MATN2: variants seen among roughly 807,000 people sequenced by gnomAD.
The protein encoded by MATN2 is matrilin 2, also known as matrilin-2.
MATN2 carries 69 observed loss-of-function variants against 103.2 expected under a neutral mutation model. The ratio of observed to expected loss-of-function variants is 0.67; its 90% CI spans 0.55 to 0.82. The LOEUF (loss-of-function observed/expected upper bound fraction) is 0.82. MATN2 is among the 40% of genes least tolerant of loss of function. The pLI, the probability that MATN2 is intolerant of heterozygous loss-of-function variation, is 0.00. For synonymous variants in MATN2, 429 were observed against 450.2 expected (o/e 0.95, Z 0.60); for missense variants, 1,023 against 1,211.5 (o/e 0.84, Z 2.31).
intron 2 of MATN2, among the ~76,000 whole-genome samples, chr8:97,895,657 CTT>C (rs1818784650): frequency 6.6e-6 from 1 of 152,212 alleles, no homozygotes; most frequent in South Asian, 2.1e-4. Flanking sequence ...TAGACTGTCT[CTT>C]CAAGATAGGG....
chr8:98,033,711 A>G (rs1200453993), intron 18 of MATN2, 52 bp downstream of exon 18: 13 of 1,164,702 alleles, frequency 1.1e-5, no homozygotes, highest in African/African-American at 1.5e-5. Context: ...AATATTATCA[A>G]AACTTCACAC....
At chr8:97,936,887 T>C (rs1810385939) in intron 3 of MATN2, among the ~76,000 whole-genome samples, 1 of 152,226 alleles carries the variant, frequency 6.6e-6, no homozygotes, top group South Asian at 2.1e-4. Flanking sequence ...AGTTTTATTC[T>C]AGTTTAGTGA....
At chr8:97,913,307 G>A (rs1809512055) in intron 2 of MATN2, among the ~76,000 whole-genome samples, 1 of 150,496 alleles carries the variant, frequency 6.6e-6, no homozygotes, top group South Asian at 2.1e-4. Context: ...GACATGGACA[G>A]CAATCGATTT....
At chr8:97,967,777 G>C (rs1440173781) in intron 5 of MATN2, among the ~76,000 whole-genome samples, 1 of 152,238 alleles carries the variant, frequency 6.6e-6, no homozygotes, top group Admixed American at 6.5e-5. Flanking sequence ...ACTGCCAGTG[G>C]CTCTACCATT....
chr8:97,926,721 A>G lies in MATN2; in HGVS notation c.143-4232A>G, dbSNP rs1156390750. ...GGCAAAGATTTGGGTCCTAGAATCT[A>G]TGACTCCATTAGCAGGACCACATCT... On this transcript the variant is annotated intron_variant, in intron 2 of 18. Coordinates refer to ENST00000254898, the MANE Select transcript of MATN2 (RefSeq NM_002380.5). Among the ~76,000 whole-genome samples, 5 of 152,214 alleles carry G rather than the reference A, an allele frequency of 3.3e-5. No individual in the cohort carries two copies. In the South Asian group the frequency reaches 8.3e-4, roughly 25 times the overall value.
intron 4 of MATN2, among the ~76,000 whole-genome samples, chr8:97,958,548 G>A (rs541152055): frequency 1.7e-4 from 26 of 152,226 alleles, no homozygotes; most frequent in Non-Finnish European, 3.2e-4. Context: ...GGCCAAAAGT[G>A]TAAAGAATGT....
intron 7 of MATN2, among the ~76,000 whole-genome samples, chr8:97,996,966 A>G (rs1385745070): frequency 1.3e-5 from 2 of 152,232 alleles, no homozygotes; most frequent in Non-Finnish European, 2.9e-5. Flanking sequence ...TGGGGGAAAA[A>G]AGATCAAGGC....
At chr8:97,872,693 C>A (rs923630641) in intron 1 of MATN2, among the ~76,000 whole-genome samples, 1 of 152,142 alleles carries the variant, frequency 6.6e-6, no homozygotes, top group African/African-American at 2.4e-5. Flanking sequence ...AACCCTTCTC[C>A]CCATCCTGAC....
At chr8:97,921,840 A>C (rs1809818778) in intron 2 of MATN2, among the ~76,000 whole-genome samples, 1 of 152,134 alleles carries the variant, frequency 6.6e-6, no homozygotes, top group Non-Finnish European at 1.5e-5. Context: ...CTCATAAATA[A>C]AATGCGTACA....
chr8:98,016,501 TTTC>T (rs1158843500), intron 10 of MATN2, 36 bp from the exon 11 acceptor site: 17 of 1,575,796 alleles, frequency 1.1e-5, no homozygotes, highest in Non-Finnish European at 1.2e-5. Flanking sequence ...TATGAGTCAT[TTTC>T]TTCTTCTGTT....
intron 2 of MATN2, among the ~76,000 whole-genome samples, chr8:97,891,411 C>T (rs933554100): frequency 1.3e-5 from 2 of 152,098 alleles, no homozygotes; most frequent in Non-Finnish European, 2.9e-5. Flanking sequence ...GATCATGGCT[C>T]GCTGCAGCCT....
intron 2 of MATN2, among the ~76,000 whole-genome samples, chr8:97,909,747 A>C (rs1451340150): frequency 6.6e-6 from 1 of 151,574 alleles, no homozygotes; most frequent in Non-Finnish European, 1.5e-5. Flanking sequence ...TTTCTCTGAG[A>C]GAGATGGGAG....
chr8:97,985,957 A>C (rs998260794), intron 6 of MATN2, among the ~76,000 whole-genome samples: 10 of 152,226 alleles, frequency 6.6e-5, no homozygotes, highest in Non-Finnish European at 1.3e-4. Flanking sequence ...AGTTGAGATC[A>C]TGCAGTATAA....
chr8:97,908,779 G>A (rs781296728), intron 2 of MATN2, among the ~76,000 whole-genome samples: 12 of 152,020 alleles, frequency 7.9e-5, no homozygotes, highest in Non-Finnish European at 1.3e-4. Flanking sequence ...CTATAGGTGC[G>A]CCACCGTGCC....
At chr8:98,026,255 TG>T (rs202125666) in intron 13 of MATN2, among the ~76,000 whole-genome samples, 214 of 145,210 alleles carry the variant, frequency 1.5e-3, no homozygotes, top group African/African-American at 4.5e-3. Context: ...TTTTTAATTT[TG>T]TTTTTTTTTT....
chr8:98,024,561 C>G (rs1813720440), intron 13 of MATN2, among the ~76,000 whole-genome samples: 1 of 152,218 alleles, frequency 6.6e-6, no homozygotes, highest in African/African-American at 2.4e-5. Flanking sequence ...TAATCATCAA[C>G]AGCAGAGGTG....
intron 7 of MATN2, among the ~76,000 whole-genome samples, chr8:97,998,529 A>C (rs951856047): frequency 6.6e-6 from 1 of 151,492 alleles, no homozygotes; most frequent in Non-Finnish European, 1.5e-5. Context: ...CAAAAAAAAA[A>C]AAAAAAAAAA....
intron 2 of MATN2, among the ~76,000 whole-genome samples, chr8:97,903,361 A>G (rs1053119109): frequency 3.9e-5 from 6 of 152,182 alleles, no homozygotes; most frequent in African/African-American, 1.4e-4. Context: ...TGACAAGATC[A>G]TATTTTGTGT....
chr8:97,913,615 ATT>A (rs34387422), intron 2 of MATN2, among the ~76,000 whole-genome samples: 6,251 of 121,690 alleles, frequency 0.051, 363 homozygotes, highest in African/African-American at 0.17. Context: ...GCACCCTGCC[ATT>A]TTTTTTTTTT....
Sources: allele counts gnomAD v4.1 joint callset (sites outside exome capture counted in the v4.1 genomes callset), GRCh38; gene constraint gnomAD v4.1.1; transcripts MANE v1.5; gene names NCBI Gene and HGNC (gene_info 2026-07-23, HGNC 2026-07-21).